The following TCF4 variants were observed in gnomAD, a reference collection of about 807,000 sequenced individuals.
TCF4 encodes SL3-3 enhancer factor 2.
In TCF4, 3 loss-of-function variants were observed where a neutral mutation model predicts 82.1. The observed-to-expected ratio is 0.04, with a 90% CI of 0.02 to 0.09. TCF4 has a LOEUF of 0.09. Ranked by LOEUF, TCF4 falls within the 10% of genes least tolerant of loss-of-function variation. TCF4 has a pLI of 1.00. For missense variants in TCF4, 518 were observed against 852.7 expected (o/e 0.61, Z 4.89); for synonymous variants, 276 against 309.6 (o/e 0.89, Z 1.14).
chr18:55,408,224 A>G (rs886125012), intron 5 of TCF4, among the ~76,000 whole-genome samples: 1 of 152,172 alleles, frequency 6.6e-6, no homozygotes, highest in African/African-American at 2.4e-5. Flanking sequence ...ATGGGAGAAT[A>G]TATCATCCCG....
intron 3 of TCF4, among the ~76,000 whole-genome samples, chr18:55,567,377 C>T (rs2097418972): frequency 6.6e-6 from 1 of 152,162 alleles, no homozygotes; most frequent in Admixed American, 6.5e-5. Context: ...ATAAATTCAT[C>T]ATCATAGCAA....
In TCF4 at chr18:55,225,083, T is replaced by C. The variant is rs2046421689; in HGVS notation, c.*2952A>G. ...CACTAAAAAGGCCACATTCCCTTTTTTTCTTTTTTAATGGGGATACAACCC... is the reference window on the plus strand; with the variant it reads ...CACTAAAAAGGCCACATTCCCTTTTCTTCTTTTTTAATGGGGATACAACCC... On this transcript the variant is annotated 3_prime_UTR_variant, in exon 20 of 20. Coordinates refer to ENST00000354452, the MANE Select transcript of TCF4 (RefSeq NM_001083962.2). The C allele has an allele frequency of 6.6e-6, 1 of 152,200 alleles. No individual in the cohort carries two copies. The highest frequency in any genetic ancestry group is 1.5e-5 in the Non-Finnish European group (1 of 68,022). 9.4% of individuals were successfully genotyped at this position (152,200 alleles called of 1,614,324 possible).
At chr18:55,334,722 G>T (rs906705979) in intron 8 of TCF4, among the ~76,000 whole-genome samples, 1 of 152,084 alleles carries the variant, frequency 6.6e-6, no homozygotes, top group African/African-American at 2.4e-5. Context: ...ATTATCAATC[G>T]TTCAAAATAA....
At chr18:55,320,181 T>C (rs557763790) in intron 8 of TCF4, among the ~76,000 whole-genome samples, 2 of 151,762 alleles carry the variant, frequency 1.3e-5, no homozygotes, top group African/African-American at 2.4e-5. Context: ...TTGCAAATCA[T>C]GTACTTGTTA....
chr18:55,621,977 TTATATATACAC>T (rs2097721236), intron 2 of TCF4, among the ~76,000 whole-genome samples: 1 of 127,796 alleles, frequency 7.8e-6, no homozygotes, highest in African/African-American at 3.1e-5. Context: ...ATATTATATA[TTATATATACAC>T]TATATATTAT....
chr18:55,372,575 CAA>C (rs1199982976), intron 6 of TCF4, among the ~76,000 whole-genome samples: 1 of 151,784 alleles, frequency 6.6e-6, no homozygotes, highest in East Asian at 1.9e-4. Flanking sequence ...TTAGAAAATG[CAA>C]AGACTCTGAA....
intron 1 of TCF4, among the ~76,000 whole-genome samples, 182 bp downstream of exon 1, chr18:55,587,856 G>A (rs2097666166): frequency 6.7e-6 from 1 of 148,320 alleles, no homozygotes; most frequent in African/African-American, 2.4e-5. Context: ...GGGGAGGGGC[G>A]GGGGGGCTGG....
chr18:55,404,404 C>T (rs2093983038), intron 5 of TCF4: 1 of 152,282 alleles, frequency 6.6e-6, no homozygotes, highest in Non-Finnish European at 1.5e-5. Flanking sequence ...GAAATCTGTC[C>T]ATACCAGAAC....
intron 2 of TCF4, among the ~76,000 whole-genome samples, chr18:55,624,462 T>TA (rs1302537021): frequency 1.3e-5 from 2 of 152,020 alleles, no homozygotes; most frequent in Non-Finnish European, 2.9e-5. Flanking sequence ...CTTCAGTCCT[T>TA]AAAACATATC....
chr18:55,614,944 G>A (rs937170283), intron 2 of TCF4, among the ~76,000 whole-genome samples: 1 of 152,206 alleles, frequency 6.6e-6, no homozygotes, highest in Middle Eastern at 3.4e-3. Context: ...ATGAATCAAA[G>A]TTATTATTTT....
Position 55,251,250 on chromosome 18 carries a change from C to A in TCF4, c.1350+3247G>T, listed in dbSNP as rs1399467021. Among the ~76,000 whole-genome samples the A allele has an allele frequency of 2.0e-5, 3 of 151,964 alleles. No individual in the cohort carries two copies. In the East Asian group the frequency reaches 5.8e-4, roughly 29 times the overall value. ...GTTTTTGAGCAGGAAATAAGCATAG[C>A]TCAATAATATCATCCAGAGAGCTTG... On this transcript the variant is annotated intron_variant, in intron 15 of 19. Coordinates refer to ENST00000354452, the MANE Select transcript of TCF4 (RefSeq NM_001083962.2).
At chr18:55,537,703 TACA>T (rs1489756200) in intron 3 of TCF4, among the ~76,000 whole-genome samples, 1 of 152,158 alleles carries the variant, frequency 6.6e-6, no homozygotes, top group East Asian at 1.9e-4. Flanking sequence ...AGTGTGTCTT[TACA>T]TTAGTTGCAG....
intron 3 of TCF4, among the ~76,000 whole-genome samples, chr18:55,464,342 G>A (rs1278464693): frequency 6.6e-6 from 1 of 152,112 alleles, no homozygotes; most frequent in Non-Finnish European, 1.5e-5. Context: ...TGGACCCTCA[G>A]GAACCAGAGG....
upstream of TCF4, among the ~76,000 whole-genome samples, chr18:55,588,930 TGTAA>T: frequency 6.6e-6 from 1 of 152,310 alleles, no homozygotes; most frequent in Non-Finnish European, 1.5e-5. Flanking sequence ...TCGCCAGCAC[TGTAA>T]GTTTTTAATT....
At chr18:55,455,520 G>A (rs2095729110) in intron 5 of TCF4, among the ~76,000 whole-genome samples, 1 of 146,802 alleles carries the variant, frequency 6.8e-6, no homozygotes. Flanking sequence ...AAGCTGAAAG[G>A]TGTTATTGGA....
At chr18:55,335,969 C>A (rs2078543496) in intron 8 of TCF4, among the ~76,000 whole-genome samples, 1 of 151,090 alleles carries the variant, frequency 6.6e-6, no homozygotes, top group Non-Finnish European at 1.5e-5. Flanking sequence ...GTGTGATAAG[C>A]AGCTTAGACA....
intron 3 of TCF4, among the ~76,000 whole-genome samples, chr18:55,553,044 G>A (rs971149620): frequency 6.6e-6 from 1 of 152,132 alleles, no homozygotes; most frequent in African/African-American, 2.4e-5. Context: ...ACTGTTTCAG[G>A]TATATATTCC....
chr18:55,346,161 C>T (rs752659340), intron 8 of TCF4, among the ~76,000 whole-genome samples: 4 of 152,006 alleles, frequency 2.6e-5, no homozygotes, highest in Non-Finnish European at 5.9e-5. Flanking sequence ...TTTCTTGATA[C>T]CCCTAATAAT....
intron 3 of TCF4, among the ~76,000 whole-genome samples, chr18:55,470,910 C>A (rs2145180662): frequency 6.6e-6 from 1 of 152,266 alleles, no homozygotes; most frequent in South Asian, 2.1e-4. Flanking sequence ...TGCCTCAAAA[C>A]CTTCTTCCTG....
Sources: gnomAD v4.1 joint callset for allele counts (sites outside exome capture counted in the v4.1 genomes callset) on GRCh38, gnomAD v4.1.1 for gene constraint, MANE v1.5 for transcripts, NCBI Gene and HGNC (gene_info 2026-07-23, HGNC 2026-07-21) for gene names.